ZNF77: variants seen among roughly 807,000 people sequenced by gnomAD.
ZNF77 encodes the protein zinc finger protein 77.
A neutral mutation model predicts 13.5 loss-of-function variants in ZNF77; 15 were observed. That is an observed-to-expected ratio of 1.11 (90% CI 0.74 to 1.71). The LOEUF is 1.71. Among genes scored for constraint, ZNF77 ranks in the 40% most tolerant of loss-of-function variants. The probability of loss-of-function intolerance (pLI) is 0.00; values close to 1 mark genes in which losing one functional copy is unlikely to be tolerated. For missense variants in ZNF77, 717 were observed against 676.4 expected (o/e 1.06, Z -0.67); for synonymous variants, 282 against 250.0 (o/e 1.13, Z -1.21).
chr19:2,934,569 T>C lies in ZNF77; in HGVS notation c.558A>G (p.Val186=). The part of the protein sequence containing the change: ...CQSPPMKTQT[V]EKPCNCQDSR... ...AGTCCTGGCAATTACAGGGTTTCTC[T>C]ACAGTCTGCGTTTTCATAGGAGGGC... is the stretch of plus-strand genomic sequence containing the variant. Residue 186 remains valine (V), a synonymous_variant, in exon 4 of 4, where the codon GTA becomes GTG. Transcript: ENST00000314531. 1.2e-6 allele frequency: 2 copies of C among 1,614,202 alleles called. No homozygotes were observed. Among genetic ancestry groups the C allele is most frequent in the Non-Finnish European group, 1.7e-6 (2 of 1,180,020 alleles).
chr19:2,937,342 G>A (rs183776022), intron 2 of ZNF77, among the ~76,000 whole-genome samples: 64 of 152,058 alleles, frequency 4.2e-4, no homozygotes, highest in African/African-American at 1.4e-3. Flanking sequence ...AAAATCAGCC[G>A]GGCATAGTGG....
intron 3 of ZNF77, 90 bp downstream of exon 3, chr19:2,936,434 C>A (rs1197752013): frequency 5.0e-6 from 7 of 1,396,604 alleles, no homozygotes; most frequent in Admixed American, 3.0e-5. Flanking sequence ...CAGGCGCGAG[C>A]CCCTGTGCCC....
chr19:2,939,492 G>A, intron 1 of ZNF77, 85 bp from the exon 2 acceptor site: 2 of 1,571,394 alleles, frequency 1.3e-6, no homozygotes, highest in Admixed American at 1.7e-5. Flanking sequence ...ACAGCCTGGG[G>A]AACTGAGCCA....
chr19:2,934,007 G>A lies in ZNF77; in HGVS notation c.1120C>T (p.His374Tyr), dbSNP rs776644244. 3 of 1,614,190 alleles carry A rather than the reference G, an allele frequency of 1.9e-6. No individual in the cohort carries two copies. The highest frequency in any genetic ancestry group is 3.3e-5 in the Admixed American group (2 of 60,020). The change falls in exon 4 of 4, where the codon CAC (histidine) becomes TAC (tyrosine). Residue 374 changes from histidine to tyrosine, a missense_variant. Transcript: ENST00000314531. The part of the protein sequence containing the change: ...PSSLRAHMRM[H>Y]TGEKPYVCKQ... The stretch of plus-strand genomic sequence containing the variant: ...CACACATAGGGCTTCTCTCCGGTGT[G>A]CATTCTCATGTGTGCTCGCAGAGAG...
rs771255972 is a variant in ZNF77, at chr19:2,936,639, A to G, written c.196T>C (p.Ser66Pro). Residue 66 changes from serine (S) to proline (P), a missense_variant, in exon 3 of 4, where the codon TCC (serine) becomes CCC (proline). By Grantham distance (74) the Ser-to-Pro change is moderately conservative. Transcript: ENST00000314531. ...AACTTTACAATCTCTTCATCATTGG[A>G]TATTCCATTCCCAAAAACGTCCCTC... The part of the protein sequence containing the change: ...SQRDVFGNGI[S>P]NDEEIVKFTG... 1 of 1,610,752 alleles carries G rather than the reference A, an allele frequency of 6.2e-7. No homozygotes were observed. The highest frequency in any genetic ancestry group is 1.7e-5 in the Admixed American group (1 of 59,128).
intron 1 of ZNF77, among the ~76,000 whole-genome samples, chr19:2,941,121 G>C (rs1235920489): frequency 7.0e-6 from 1 of 143,816 alleles, no homozygotes; most frequent in Admixed American, 7.3e-5. Flanking sequence ...GCTGTAGTGA[G>C]CCACGATGTC....
intron 3 of ZNF77, among the ~76,000 whole-genome samples, chr19:2,935,455 T>C (rs1436271384): frequency 1.3e-5 from 2 of 151,704 alleles, no homozygotes; most frequent in African/African-American, 4.8e-5. Context: ...GTGGCTGGGA[T>C]TACAGGCGTG....
At chr19:2,939,905 G>A (rs1415623303) in intron 1 of ZNF77, 6 of 163,696 alleles carry the variant, frequency 3.7e-5, no homozygotes, top group South Asian at 1.4e-4. Context: ...GCTTGAGCTC[G>A]GGGGTTCAAG....
At position 2,933,821 on chromosome 19, in the gene ZNF77, A is replaced by C; in HGVS notation, c.1306T>G (p.Phe436Val). 6.2e-7 allele frequency: 1 copy of C among 1,613,326 alleles called. No homozygotes were observed. Among genetic ancestry groups the C allele is most frequent in the Non-Finnish European group, 8.5e-7 (1 of 1,179,410 alleles). The change falls in exon 4 of 4, where the codon TTT becomes GTT. Residue 436 changes from phenylalanine to valine, a missense_variant. Phe to Val is a conservative substitution (Grantham distance 50). Coordinates refer to ENST00000314531, the MANE Select transcript of ZNF77 (RefSeq NM_021217.3). ...GCTTTCCCACAATGCTTACACTCAA[A>C]GGGCTTCTCTCCAGTATGCGTCCTC... is the stretch of plus-strand genomic sequence containing the variant. Reference protein sequence around the residue: ...HVRTHTGEKPFECKHCGKAFS... With the variant: ...HVRTHTGEKPVECKHCGKAFS...
intron 1 of ZNF77, among the ~76,000 whole-genome samples, chr19:2,941,467 A>G (rs1426885027): frequency 3.9e-5 from 6 of 151,988 alleles, no homozygotes; most frequent in South Asian, 4.1e-4. Flanking sequence ...ACAGAGTGAG[A>G]CTGTCTCAAA....
chr19:2,939,639 A>C, intron 1 of ZNF77: 2 of 518,880 alleles, frequency 3.9e-6, no homozygotes. Context: ...ATTACTGAGA[A>C]ACGGCAGGTA....
In ZNF77 at chr19:2,934,428, A is replaced by T. The variant is rs763881771; in HGVS notation, c.699T>A (p.Ser233Arg). 3 of 1,614,100 alleles carry T rather than the reference A, an allele frequency of 1.9e-6. No individual in the cohort carries two copies. The East Asian group carries it at 6.7e-5, about 36-fold the overall frequency. Reference sequence around the variant, plus strand: ...ATGCATGGGTTTTCTGCCCATGATGACTATTCACATGTCCCCTGAAAGATG... The same window carrying T: ...ATGCATGGGTTTTCTGCCCATGATGTCTATTCACATGTCCCCTGAAAGATG... ...CPSSFRGHVNSHHGQKTHACK... is the reference protein window; with the variant it reads ...CPSSFRGHVNRHHGQKTHACK... Residue 233 changes from serine to arginine, a missense_variant, in exon 4 of 4, where the codon AGT (serine) becomes AGA (arginine). Transcript: ENST00000314531.
Position 2,934,535 on chromosome 19 carries a change from C to T in ZNF77, c.592G>A (p.Ala198Thr), listed in dbSNP as rs1460660502. The T allele has an allele frequency of 6.2e-7, 1 of 1,614,214 alleles. No homozygotes were observed. The highest frequency in any genetic ancestry group is 1.7e-5 in the Admixed American group (1 of 60,022). ...AGACTTTTCACGTATGTCACAGATGCTGTCCTTGAGTCCTGGCAATTACAG... is the reference window on the plus strand; with the variant it reads ...AGACTTTTCACGTATGTCACAGATGTTGTCCTTGAGTCCTGGCAATTACAG... ...KPCNCQDSRT[A>T]SVTYVKSLSS... The change falls in exon 4 of 4, where the codon GCA (alanine) becomes ACA (threonine). Residue 198 changes from alanine to threonine, a missense_variant. Coordinates refer to ENST00000314531, the MANE Select transcript of ZNF77 (RefSeq NM_021217.3).
chr19:2,934,574 T>G lies in ZNF77; in HGVS notation c.553A>C (p.Thr185Pro). ...SCQSPPMKTQ[T>P]VEKPCNCQDS... Reference sequence around the variant, plus strand: ...TGGCAATTACAGGGTTTCTCTACAGTCTGCGTTTTCATAGGAGGGCTTTGG... The same window carrying G: ...TGGCAATTACAGGGTTTCTCTACAGGCTGCGTTTTCATAGGAGGGCTTTGG... The change falls in exon 4 of 4, where the codon ACT becomes CCT. Residue 185 changes from threonine to proline, a missense_variant. Thr to Pro is a conservative substitution (Grantham distance 38). Transcript: ENST00000314531. 6.2e-7 allele frequency: 1 copy of G among 1,614,180 alleles called. No individual in the cohort carries two copies.
chr19:2,938,717 G>A (rs2088419200), intron 2 of ZNF77, among the ~76,000 whole-genome samples: 1 of 152,168 alleles, frequency 6.6e-6, no homozygotes, highest in Non-Finnish European at 1.5e-5. Flanking sequence ...AGCACTTTGG[G>A]AGGCCAAGGC....
At chr19:2,942,565 A>C (rs184528468) in intron 1 of ZNF77, among the ~76,000 whole-genome samples, 1 of 151,898 alleles carries the variant, frequency 6.6e-6, no homozygotes, top group East Asian at 1.9e-4. Flanking sequence ...TGAAATAGGA[A>C]CAATACCAAT....
rs777664099 is a variant in ZNF77 at position 2,934,694 on chromosome 19, T to C, written c.433A>G (p.Thr145Ala). The change falls in exon 4 of 4, where the codon ACT (threonine) becomes GCT (alanine). Residue 145 changes from threonine (T) to alanine (A), a missense_variant. Thr to Ala is a moderately conservative substitution (Grantham distance 58). Coordinates refer to ENST00000314531, the MANE Select transcript of ZNF77 (RefSeq NM_021217.3). ...TTCTCGAAGGCTTTGCCACACTTAGTGCACTCAGAGGGTTTAGCTTCGGTA... is the reference window on the plus strand; with the variant it reads ...TTCTCGAAGGCTTTGCCACACTTAGCGCACTCAGAGGGTTTAGCTTCGGTA... Reference protein sequence around the residue: ...YPTEAKPSECTKCGKAFENRQ... With the variant: ...YPTEAKPSECAKCGKAFENRQ... 9 of 1,614,062 alleles carry C rather than the reference T, an allele frequency of 5.6e-6. No homozygotes were observed. Among genetic ancestry groups the C allele is most frequent in the South Asian group, 2.2e-5 (2 of 91,086 alleles).
intron 1 of ZNF77, 41 bp from the exon 2 acceptor site, chr19:2,939,448 C>G: frequency 6.2e-7 from 1 of 1,607,928 alleles, no homozygotes; most frequent in Non-Finnish European, 8.5e-7. Context: ...AAGGCACCGC[C>G]TCCCCCATGT....
chr19:2,938,111 C>T (rs918318877), intron 2 of ZNF77, among the ~76,000 whole-genome samples: 5 of 152,042 alleles, frequency 3.3e-5, no homozygotes, highest in African/African-American at 7.2e-5. Context: ...ATCCAGAACC[C>T]ACTCCTCCCG....
Sources: gnomAD v4.1 joint callset for allele counts (sites outside exome capture counted in the v4.1 genomes callset) on GRCh38, gnomAD v4.1.1 for gene constraint, MANE v1.5 for transcripts, NCBI Gene and HGNC (gene_info 2026-07-23, HGNC 2026-07-21) for gene names.